The following SACS variants were observed in gnomAD, a reference collection of about 807,000 sequenced individuals.
The protein encoded by SACS is sacsin molecular chaperone.
In SACS, 197 loss-of-function variants were observed where a neutral mutation model predicts 348.0. That is an observed-to-expected ratio of 0.57 (90% CI 0.50 to 0.64). The LOEUF is 0.64. Ranked by LOEUF, SACS falls within the 30% of genes least tolerant of loss-of-function variation. The pLI is 0.00. For missense variants in SACS, 4,999 were observed against 5,360.8 expected (o/e 0.93, Z 2.11); for synonymous variants, 1,985 against 1,910.6 (o/e 1.04, Z -1.02).
rs777466044 is a variant in SACS at position 23,339,870 on chromosome 13, T to C, written c.4006A>G (p.Ile1336Val). 4.3e-6 allele frequency: 7 copies of C among 1,613,854 alleles called. No homozygotes were observed. Among genetic ancestry groups the C allele is most frequent in the Non-Finnish European group, 5.1e-6 (6 of 1,179,948 alleles). Residue 1336 changes from isoleucine (I) to valine (V), a missense_variant, in exon 10 of 10, where the codon ATT (isoleucine) becomes GTT (valine). Physicochemically the swap from Ile to Val is conservative, Grantham distance 29 (BLOSUM62 3). Transcript: ENST00000382292. ...TCACTTTTGAGATATATCTTCTGAA[T>C]AACCATGGAAATATGATCTGATGTC... Reference protein sequence around the residue: ...ELTSDHISMVIQKIYLKSDQD... With the variant: ...ELTSDHISMVVQKIYLKSDQD...
intron 2 of SACS, among the ~76,000 whole-genome samples, chr13:23,399,103 T>C (rs544383045): frequency 6.7e-6 from 1 of 148,404 alleles, no homozygotes; most frequent in South Asian, 2.1e-4. Context: ...GACAAGCCCC[T>C]CATTCTAAAG....
At chr13:23,358,105 ATGT>A (rs1870508135) in intron 7 of SACS, among the ~76,000 whole-genome samples, 1 of 152,170 alleles carries the variant, frequency 6.6e-6, no homozygotes, top group Non-Finnish European at 1.5e-5. Context: ...GATCATGATG[ATGT>A]TAACTTTTGG....
rs1468464580 is a variant in SACS at position 23,335,894 on chromosome 13, A to G, written c.7982T>C (p.Ile2661Thr). 1 of 1,613,492 alleles carries G rather than the reference A, an allele frequency of 6.2e-7. No homozygotes were observed. Among genetic ancestry groups the G allele is most frequent in the Non-Finnish European group, 8.5e-7 (1 of 1,179,602 alleles). The change falls in exon 10 of 10, where the codon ATT (isoleucine) becomes ACT (threonine). Residue 2661 changes from isoleucine to threonine, a missense_variant. Physicochemically the swap from Ile to Thr is moderately conservative, Grantham distance 89 (BLOSUM62 -1). Around this residue, in one of 6 missense-constraint regions of SACS, gnomAD observed 3,156 missense variants for 3,380.1 expected, o/e 0.93. Coordinates refer to ENST00000382292, the MANE Select transcript of SACS (RefSeq NM_014363.6). This position sits in a 1 kb window ranked among gnomAD's most constrained non-coding sequence, Gnocchi z 4.7. ...HARYAPGATS[I>T]SPGRMFRDLD... is the part of the protein sequence containing the mutation. ...ATCTCTAAACATGCGTCCGGGACTA[A>G]TGGATGTGGCCCCTGGTGCATATCT...
In SACS at chr13:23,335,785, C is replaced by A. The variant is rs749685181; in HGVS notation, c.8091G>T (p.Met2697Ile). 1 of 1,614,048 alleles carries A rather than the reference C, an allele frequency of 6.2e-7. No individual in the cohort carries two copies. Among genetic ancestry groups the A allele is most frequent in the Non-Finnish European group, 8.5e-7 (1 of 1,179,918 alleles). ...CTGCATTACGAAGAGGAAATCTGAA[C>A]ATTGTGCAATTATCCAGTTTAAAAT... ...GTHFKLDNCT[M>I]FRFPLRNAEM... The change falls in exon 10 of 10, where the codon ATG becomes ATT. Residue 2697 changes from methionine (M) to isoleucine (I), a missense_variant. Coordinates refer to ENST00000382292, the MANE Select transcript of SACS (RefSeq NM_014363.6). This position sits in a 1 kb window ranked among gnomAD's most constrained non-coding sequence, Gnocchi z 4.7.
intron 1 of SACS, among the ~76,000 whole-genome samples, chr13:23,425,262 C>T (rs994055854): frequency 1.3e-4 from 19 of 151,226 alleles, no homozygotes; most frequent in Admixed American, 4.6e-4. Flanking sequence ...TACAGATGCC[C>T]GATGTCCATC....
chr13:23,419,585 T>G (rs925315827), intron 1 of SACS, among the ~76,000 whole-genome samples: 3 of 152,136 alleles, frequency 2.0e-5, no homozygotes, highest in Non-Finnish European at 4.4e-5. Flanking sequence ...CGTGGTTGCC[T>G]TTTTCTCTTT....
intron 1 of SACS, among the ~76,000 whole-genome samples, chr13:23,419,519 A>G (rs1015518933): frequency 2.6e-5 from 4 of 151,966 alleles, no homozygotes; most frequent in Admixed American, 1.3e-4. Context: ...GTTTCTTGGG[A>G]AACCGGGCGT....
chr13:23,339,865 C>T lies in SACS; in HGVS notation c.4011G>A (p.Gln1337=), dbSNP rs1168853384. 1.9e-6 allele frequency: 3 copies of T among 1,613,652 alleles called. No individual in the cohort carries two copies. Among genetic ancestry groups the T allele is most frequent in the Non-Finnish European group, 2.5e-6 (3 of 1,179,884 alleles). ...LTSDHISMVI[Q]KIYLKSDQDL... is the part of the protein sequence containing the mutation. ...CTTGGTCACTTTTGAGATATATCTT[C>T]TGAATAACCATGGAAATATGATCTG... is the stretch of plus-strand genomic sequence containing the variant. The change falls in exon 10 of 10, where the codon CAG becomes CAA. Residue 1337 remains glutamine, a synonymous_variant. Transcript: ENST00000382292.
Position 23,340,378 on chromosome 13 carries a change from A to T in SACS, c.3498T>A (p.Asn1166Lys). 6.2e-7 allele frequency: 1 copy of T among 1,614,122 alleles called. No homozygotes were observed. Reference sequence around the variant, plus strand: ...CTTTCCAGACCAAAGAGCCTGGATAATTTGGAGGCCTTTCCTTGCAGGCTG... The same window carrying T: ...CTTTCCAGACCAAAGAGCCTGGATATTTTGGAGGCCTTTCCTTGCAGGCTG... ...WVPACKERPP[N>K]YPGSLVWKGD... Residue 1166 changes from asparagine to lysine, a missense_variant, in exon 10 of 10, where the codon AAT (asparagine) becomes AAA (lysine). Transcript: ENST00000382292.
At chr13:23,399,244 T>A (rs1872848052) in intron 2 of SACS, among the ~76,000 whole-genome samples, 1 of 152,098 alleles carries the variant, frequency 6.6e-6, no homozygotes, top group African/African-American at 2.4e-5. Context: ...ATACAGTAAG[T>A]TCCTTTTCAA....
Position 23,329,287 on chromosome 13 carries a change from A to G in SACS, c.*849T>C, listed in dbSNP as rs770141514. 6.4e-5 allele frequency: 37 copies of G among 582,260 alleles called. No homozygotes were observed. The highest frequency in any genetic ancestry group is 1.1e-4 in the Non-Finnish European group (35 of 327,598). 36.1% of individuals were successfully genotyped at this position (582,260 alleles called of 1,614,324 possible). ...TTAACTGCAGCACCTTTAGACAACA[A>G]AAGATTGCATCCTGTTCAACCACAC... On this transcript the variant is annotated 3_prime_UTR_variant, in exon 10 of 10. Coordinates refer to ENST00000382292, the MANE Select transcript of SACS (RefSeq NM_014363.6).
chr13:23,345,610 T>C (rs1410988420), intron 9 of SACS, among the ~76,000 whole-genome samples: 1 of 152,208 alleles, frequency 6.6e-6, no homozygotes, highest in Non-Finnish European at 1.5e-5. Context: ...TTTGATTTGA[T>C]ACCACCTTAA....
rs927826338 is a variant in SACS at position 23,338,230 on chromosome 13, C to G, written c.5646G>C (p.Leu1882Phe). ...CAAAGCACCCATTGATATGAACTGG[C>G]AAGCCTGTTTTTATTCGTAAAGGTA... The part of the protein sequence containing the change: ...CYLPLRIKTG[L>F]PVHINGCFAV... The change falls in exon 10 of 10, where the codon TTG (leucine) becomes TTC (phenylalanine). Residue 1882 changes from leucine to phenylalanine, a missense_variant. Coordinates refer to ENST00000382292, the MANE Select transcript of SACS (RefSeq NM_014363.6). 5.6e-6 allele frequency: 9 copies of G among 1,613,984 alleles called. No homozygotes were observed. Among genetic ancestry groups the G allele is most frequent in the Non-Finnish European group, 7.6e-6 (9 of 1,180,016 alleles).
At position 23,368,883 on chromosome 13, in the gene SACS, T is replaced by C. The variant is rs906491424; in HGVS notation, c.260-396A>G. Among the ~76,000 whole-genome samples, 5 of 152,118 alleles carry C rather than the reference T, an allele frequency of 3.3e-5. No homozygotes were observed. In the East Asian group the frequency reaches 5.8e-4, roughly 18 times the overall value. On this transcript the variant is annotated intron_variant, in intron 4 of 9. Coordinates refer to ENST00000382292, the MANE Select transcript of SACS (RefSeq NM_014363.6). The stretch of plus-strand genomic sequence containing the variant: ...CCAGCTAATTTTTTTGTATTTTTAG[T>C]AGAGATGGGGTTTCACCATGTTAGC...
In SACS at chr13:23,355,066, G is replaced by C. The variant is rs200839518; in HGVS notation, c.1546C>G (p.Leu516Val). ...AAATCAGAGCTCTTTTCCATCTCCAGACGTTTTATTGAATCTAAGATCAGA... is the reference window on the plus strand; with the variant it reads ...AAATCAGAGCTCTTTTCCATCTCCACACGTTTTATTGAATCTAAGATCAGA... ...ATLILDSIKR[L>V]EMEKSSDFPL... Residue 516 changes from leucine (L) to valine (V), a missense_variant, in exon 8 of 10, where the codon CTG (leucine) becomes GTG (valine). Physicochemically the swap from Leu to Val is conservative, Grantham distance 32. Transcript: ENST00000382292. 46 of 1,614,076 alleles carry C rather than the reference G, an allele frequency of 2.8e-5. 1 individual carries two copies. Among genetic ancestry groups the C allele is most frequent in the Non-Finnish European group, 1.1e-5 (13 of 1,180,040 alleles).
chr13:23,336,329 G>A lies in SACS; in HGVS notation c.7547C>T (p.Thr2516Ile), dbSNP rs1194785956. 4.3e-6 allele frequency: 7 copies of A among 1,613,928 alleles called. No homozygotes were observed. The Middle Eastern group carries it at 8.2e-4, about 189-fold the overall frequency. The change falls in exon 10 of 10, where the codon ACA (threonine) becomes ATA (isoleucine). Residue 2516 changes from threonine (T) to isoleucine (I), a missense_variant. Transcript: ENST00000382292. ...LERYASNVCF[T>I]TLGTEFGQKE... Reference sequence around the variant, plus strand: ...CTGCCCAAATTCTGTGCCAAGTGTTGTAAAACAGACATTGGATGCATATCT... The same window carrying A: ...CTGCCCAAATTCTGTGCCAAGTGTTATAAAACAGACATTGGATGCATATCT...
chr13:23,346,058 C>A (rs912175050), intron 9 of SACS, among the ~76,000 whole-genome samples: 1 of 152,182 alleles, frequency 6.6e-6, no homozygotes, highest in African/African-American at 2.4e-5. Flanking sequence ...CACACTGAGC[C>A]AGACTCCAAA....
At position 23,337,706 on chromosome 13, in the gene SACS, A is replaced by G; in HGVS notation, c.6170T>C (p.Phe2057Ser). 1.2e-6 allele frequency: 2 copies of G among 1,613,110 alleles called. No individual in the cohort carries two copies. The highest frequency in any genetic ancestry group is 1.7e-6 in the Non-Finnish European group (2 of 1,179,776). ...LENTFSEKQFFSEVFFPNIQE... is the reference protein window; with the variant it reads ...LENTFSEKQFSSEVFFPNIQE... ...AATATTTGGAAAAAACACTTCAGAA[A>G]AAAACTGTTTCTCTGAAAATGTGTT... Residue 2057 changes from phenylalanine to serine, a missense_variant, in exon 10 of 10, where the codon TTT becomes TCT. By Grantham distance (155) the Phe-to-Ser change is radical. Transcript: ENST00000382292.
chr13:23,368,952 G>A (rs1871226367), intron 4 of SACS, among the ~76,000 whole-genome samples: 1 of 152,284 alleles, frequency 6.6e-6, no homozygotes, highest in South Asian at 2.1e-4. Context: ...GCCCACCTTG[G>A]CCTCCCAAAG....
Sources: allele counts gnomAD v4.1 joint callset (sites outside exome capture counted in the v4.1 genomes callset), GRCh38; gene constraint gnomAD v4.1.1; regional missense constraint gnomAD v4.1.1; non-coding constraint Gnocchi (gnomAD v3.1); transcripts MANE v1.5; gene names NCBI Gene and HGNC (gene_info 2026-07-23, HGNC 2026-07-21).